The following SEC14L5 variants were observed in gnomAD, a reference collection of about 807,000 sequenced individuals.
The protein encoded by SEC14L5 is SEC14-like protein 5.
Under a neutral mutation model 84.6 loss-of-function variants are expected in SEC14L5, and 96 were observed. That is an observed-to-expected ratio of 1.13 (90% CI 0.96 to 1.34). The LOEUF is 1.34. Among genes scored for constraint, SEC14L5 ranks in the 40% most tolerant of loss-of-function variants. The probability of loss-of-function intolerance (pLI) is 0.00; values close to 1 mark genes in which losing one functional copy is unlikely to be tolerated. For missense variants in SEC14L5, 1,224 were observed against 942.5 expected, an observed-to-expected ratio of 1.30 and a Z score of -3.91; for synonymous variants, 546 against 383.4, an observed-to-expected ratio of 1.42 and a Z score of -4.95.
At chr16:5,007,916 T>TC (rs1334777622) in intron 13 of SEC14L5, among the ~76,000 whole-genome samples, 20 of 147,906 alleles carry the variant, frequency 1.4e-4, no homozygotes, top group African/African-American at 4.5e-4. Context: ...TCTTTTTTTT[T>TC]TTTTTTTTTG....
intron 12 of SEC14L5, among the ~76,000 whole-genome samples, chr16:5,006,327 G>C (rs559210397): frequency 6.6e-6 from 1 of 152,236 alleles, no homozygotes; most frequent in African/African-American, 2.4e-5. Context: ...GATTAGGCCA[G>C]TCAAAGGCTT....
At chr16:5,001,923 C>G (rs1018792217) in intron 10 of SEC14L5, among the ~76,000 whole-genome samples, 1 of 152,100 alleles carries the variant, frequency 6.6e-6, no homozygotes, top group Non-Finnish European at 1.5e-5. Flanking sequence ...TAAATGTGCA[C>G]CACCTTGCCC....
chr16:4,990,239 T>G (rs1955538335), intron 4 of SEC14L5, among the ~76,000 whole-genome samples: 1 of 152,080 alleles, frequency 6.6e-6, no homozygotes, highest in African/African-American at 2.4e-5. Flanking sequence ...CTTGGCTCAC[T>G]GCAACCTCCG....
intron 2 of SEC14L5, among the ~76,000 whole-genome samples, chr16:4,965,751 T>A (rs1955193830): frequency 6.6e-6 from 1 of 151,550 alleles, no homozygotes; most frequent in Non-Finnish European, 1.5e-5. Flanking sequence ...TATTTTAAAT[T>A]TTATTTAAGG....
intron 8 of SEC14L5, 119 bp from the exon 9 acceptor site, chr16:5,000,536 C>G (rs1219950480): frequency 1.4e-6 from 1 of 710,780 alleles, no homozygotes. Flanking sequence ...AAGGCTGGAT[C>G]GGGCCTTGGT....
At chr16:4,979,616 C>A (rs2142493398) in intron 2 of SEC14L5, among the ~76,000 whole-genome samples, 1 of 152,294 alleles carries the variant, frequency 6.6e-6, no homozygotes. Context: ...GACCAGCCAC[C>A]CGCTATAAAC....
intron 2 of SEC14L5, among the ~76,000 whole-genome samples, chr16:4,985,293 TCGCC>T (rs1445155933): frequency 6.6e-6 from 1 of 152,206 alleles, no homozygotes; most frequent in African/African-American, 2.4e-5. Flanking sequence ...TGGCACAATG[TCGCC>T]TCACTGCAAC....
rs79878258 is a variant in SEC14L5, at chr16:4,995,360, C to T, written c.668-988C>T. ...ACTGGCAACATTCCGACTACAACCG[C>T]CCAGTTGTGGGGGACAAGGCTGCAC... is the stretch of plus-strand genomic sequence containing the variant. On this transcript the variant is annotated intron_variant, in intron 6 of 15. Transcript: ENST00000251170. 8.6e-3 allele frequency among the ~76,000 whole-genome samples: 1,316 copies of T among 152,276 alleles called. 22 individuals are homozygous for T. The highest frequency in any genetic ancestry group is 0.03 in the African/African-American group (1,251 of 41,552).
At chr16:4,966,980 T>C (rs1955208146) in intron 2 of SEC14L5, among the ~76,000 whole-genome samples, 1 of 152,182 alleles carries the variant, frequency 6.6e-6, no homozygotes, top group Admixed American at 6.5e-5. Context: ...GCCAGCCCTT[T>C]AGGCCAGCTC....
At chr16:4,971,555 T>G (rs1296945198) in intron 2 of SEC14L5, among the ~76,000 whole-genome samples, 3 of 152,240 alleles carry the variant, frequency 2.0e-5, no homozygotes, top group Non-Finnish European at 4.4e-5. Context: ...TTAATCCCTG[T>G]GGATAAACCC....
At chr16:4,979,098 G>A (rs977015438) in intron 2 of SEC14L5, among the ~76,000 whole-genome samples, 1 of 152,190 alleles carries the variant, frequency 6.6e-6, no homozygotes, top group African/African-American at 2.4e-5. Flanking sequence ...CCTCAGAGGT[G>A]CCCATGGTCA....
intron 15 of SEC14L5, 36 bp from the exon 16 acceptor site, chr16:5,014,823 T>G (rs1955852671): frequency 1.8e-4 from 280 of 1,529,358 alleles, no homozygotes; most frequent in Non-Finnish European, 2.3e-4. Flanking sequence ...CTTGTCACTG[T>G]GAGAGGGTAA....
At position 5,013,644 on chromosome 16, in the gene SEC14L5, C is replaced by T. The variant is rs940264285; in HGVS notation, c.1980-1215C>T. 4.4e-4 allele frequency among the ~76,000 whole-genome samples: 66 copies of T among 150,294 alleles called. 1 individual carries two copies. Among genetic ancestry groups the T allele is most frequent in the Admixed American group, 1.3e-4 (2 of 15,008 alleles). ...CACGATATCTACTCACTGCAACCTC[C>T]GCCTCCTGGGTTCAAGCAATCCTCA... On this transcript the variant is annotated intron_variant, in intron 15 of 15. Transcript: ENST00000251170.
chr16:5,003,961 C>T (rs994039680), intron 11 of SEC14L5, among the ~76,000 whole-genome samples: 9 of 152,254 alleles, frequency 5.9e-5, no homozygotes, highest in Admixed American at 2.0e-4. Context: ...GGTGGGTACA[C>T]GCGTGCATGC....
At chr16:4,997,381 T>G (rs1384797676) in intron 8 of SEC14L5, among the ~76,000 whole-genome samples, 3 of 152,248 alleles carry the variant, frequency 2.0e-5, no homozygotes, top group Non-Finnish European at 2.9e-5. Flanking sequence ...ATTACAGGCA[T>G]GAGCCACCGC....
At chr16:4,959,521 G>A (rs1955093185) in intron 2 of SEC14L5, 135 bp downstream of exon 2, 1 of 754,848 alleles carries the variant, frequency 1.3e-6, no homozygotes. Context: ...GACCTGGTGG[G>A]TTTAACTTCT....
At chr16:5,013,349 A>C (rs1364904583) in intron 15 of SEC14L5, among the ~76,000 whole-genome samples, 2 of 151,992 alleles carry the variant, frequency 1.3e-5, no homozygotes, top group African/African-American at 2.4e-5. Flanking sequence ...ACTGAGATCT[A>C]AGTAGTGTGG....
At chr16:5,008,376 T>A in intron 13 of SEC14L5, 45 bp from the exon 14 acceptor site, 1 of 1,424,878 alleles carries the variant, frequency 7.0e-7, no homozygotes, top group Non-Finnish European at 9.7e-7. Context: ...ACCCCAGCTC[T>A]ACTCTCTCGG....
intron 15 of SEC14L5, among the ~76,000 whole-genome samples, chr16:5,013,314 G>T (rs563222204): frequency 1.3e-5 from 2 of 152,176 alleles, no homozygotes; most frequent in African/African-American, 2.4e-5. Context: ...GAGGGTGGGG[G>T]AAGTAATATG....
Sources: gnomAD v4.1 joint callset for allele counts (sites outside exome capture counted in the v4.1 genomes callset) on GRCh38, gnomAD v4.1.1 for gene constraint, MANE v1.5 for transcripts, NCBI Gene and HGNC (gene_info 2026-07-23, HGNC 2026-07-21) for gene names.